Variants in STAT5A observed in about 807,000 individuals in gnomAD.
STAT5A encodes epididymis secretory sperm binding protein.
In STAT5A, 26 loss-of-function variants were observed where a neutral mutation model predicts 100.2. The ratio of observed to expected loss-of-function variants is 0.26; its 90% confidence interval spans 0.19 to 0.36. The LOEUF (loss-of-function observed/expected upper bound fraction) is 0.36. Ranked by LOEUF, STAT5A falls within the 10% of genes least tolerant of loss-of-function variation. STAT5A has a pLI of 1.00. For synonymous variants in STAT5A, 330 were observed against 424.3 expected (o/e 0.78, Z 2.73); for missense variants, 634 against 1,027.5 (o/e 0.62, Z 5.24).
At chr17:42,306,139 G>A in intron 12 of STAT5A, 102 bp from the exon 13 acceptor site, 1 of 1,578,446 alleles carries the variant, frequency 6.3e-7, no homozygotes, top group Non-Finnish European at 8.6e-7. Flanking sequence ...TTCTGGATCT[G>A]TCTCAGTCTC....
Position 42,304,420 on chromosome 17 carries a change from C to A in STAT5A, c.1248C>A (p.Phe416Leu), listed in dbSNP as rs747051071. 6 of 1,614,132 alleles carry A rather than the reference C, an allele frequency of 3.7e-6. No individual in the cohort carries two copies. Among genetic ancestry groups the A allele is most frequent in the Non-Finnish European group, 5.1e-6 (6 of 1,180,052 alleles). The change falls in exon 10 of 19, where the codon TTC becomes TTA. Residue 416 changes from phenylalanine (F) to leucine (L), a missense_variant. Physicochemically the swap from Phe to Leu is conservative, Grantham distance 22. Coordinates refer to ENST00000590949, the MANE Select transcript of STAT5A (RefSeq NM_001288718.2). The surrounding 1 kb of genome is among the most constrained non-coding windows in gnomAD (Gnocchi z 4.8). ...HQATGTLSAHFRNMSLKRIKR... is the reference protein window; with the variant it reads ...HQATGTLSAHLRNMSLKRIKR... ...CCACGGGCACCCTCAGTGCCCACTTCAGGAACATGGTGAGGACGGGGCCCA... is the reference window on the plus strand; with the variant it reads ...CCACGGGCACCCTCAGTGCCCACTTAAGGAACATGGTGAGGACGGGGCCCA...
chr17:42,294,404 C>A (rs16967637), intron 4 of STAT5A, among the ~76,000 whole-genome samples: 46,239 of 151,902 alleles, frequency 0.3, 7,378 homozygotes, highest in South Asian at 0.41. Context: ...TCCAACCATA[C>A]AACTGTTCCT....
At position 42,308,902 on chromosome 17, in the gene STAT5A, T is replaced by C; in HGVS notation, c.2063-145T>C. Reference sequence around the variant, plus strand: ...CTCAGGCAGGATTCATCAGCTGGTGTTTATTGGGGGTCCTTGGGAAATCTC... The same window carrying C: ...CTCAGGCAGGATTCATCAGCTGGTGCTTATTGGGGGTCCTTGGGAAATCTC... On this transcript the variant is annotated intron_variant, in intron 16 of 18. Transcript: ENST00000590949. The surrounding 1 kb of genome is among the most constrained non-coding windows in gnomAD (Gnocchi z 4.6). 2.0e-6 allele frequency: 2 copies of C among 990,502 alleles called. No homozygotes were observed. Among genetic ancestry groups the C allele is most frequent in the Non-Finnish European group, 1.6e-6 (1 of 641,686 alleles). 61.4% of individuals were successfully genotyped at this position (990,502 alleles called of 1,614,324 possible). A position where few individuals can be genotyped will look rare whatever the true frequency, so the allele number is the denominator to read the frequency against.
Position 42,292,155 on chromosome 17 carries a change from C to T in STAT5A, c.375+94C>T, listed in dbSNP as rs117309129. 7.9e-3 allele frequency: 11,459 copies of T among 1,444,280 alleles called. 75 individuals carry two copies. Among genetic ancestry groups the T allele is most frequent in the South Asian group, 0.019 (1,637 of 84,272 alleles). 89.5% of individuals were successfully genotyped at this position (1,444,280 alleles called of 1,614,324 possible). ...ACTGTGTTTATATAAAACAGCAGCACGAGGAGAGCACCAAGAAGATGAGGG... is the reference window on the plus strand; with the variant it reads ...ACTGTGTTTATATAAAACAGCAGCATGAGGAGAGCACCAAGAAGATGAGGG... On this transcript the variant is annotated intron_variant, in intron 4 of 18. Coordinates refer to ENST00000590949, the MANE Select transcript of STAT5A (RefSeq NM_001288718.2).
intron 13 of STAT5A, 36 bp from the exon 14 acceptor site, chr17:42,307,366 G>A (rs1346578045): frequency 6.2e-7 from 1 of 1,604,224 alleles, no homozygotes; most frequent in Non-Finnish European, 8.5e-7. Context: ...GTGACCTGGG[G>A]CACCAGCCCT....
At position 42,295,633 on chromosome 17, in the gene STAT5A, T is replaced by C. The variant is rs1471678597; in HGVS notation, c.390T>C (p.Ala130=). ...VREANNCSSP[A]GILVDAMSQK... Reference sequence around the variant, plus strand: ...TCTGTCTCCAGTGCAGCTCTCCGGCTGGGATCCTGGTTGACGCCATGTCCC... The same window carrying C: ...TCTGTCTCCAGTGCAGCTCTCCGGCCGGGATCCTGGTTGACGCCATGTCCC... The change falls in exon 5 of 19, where the codon GCT becomes GCC. Residue 130 remains alanine (A), a synonymous_variant. Transcript: ENST00000590949. The C allele has an allele frequency of 1.9e-6, 3 of 1,613,710 alleles. No individual in the cohort carries two copies. The South Asian group carries it at 3.3e-5, about 18-fold the overall frequency.
intron 2 of STAT5A, 36 bp downstream of exon 2, chr17:42,289,575 C>T (rs898749985): frequency 6.2e-7 from 1 of 1,603,850 alleles, no homozygotes; most frequent in Non-Finnish European, 8.5e-7. Flanking sequence ...CTCAGAGGGT[C>T]CCTACCATCC....
chr17:42,289,306 C>G, intron 1 of STAT5A, 96 bp from the exon 2 acceptor site: 1 of 1,379,332 alleles, frequency 7.2e-7, no homozygotes, highest in Non-Finnish European at 9.5e-7. Flanking sequence ...CTGGCCTGGC[C>G]GCGGTCCAGG....
At chr17:42,296,956 G>A (rs182091271) in intron 5 of STAT5A, among the ~76,000 whole-genome samples, 62 of 151,892 alleles carry the variant, frequency 4.1e-4, no homozygotes, top group Non-Finnish European at 1.0e-4. Flanking sequence ...TTGTTTGTTT[G>A]TTTATTTATT....
At chr17:42,307,855 G>C in intron 15 of STAT5A, 132 bp downstream of exon 15, 2 of 1,324,620 alleles carry the variant, frequency 1.5e-6, no homozygotes, top group Non-Finnish European at 2.0e-6. Context: ...AGAGGGCTGT[G>C]GCTTGGAAAT....
In STAT5A at chr17:42,304,201, G is replaced by T; in HGVS notation, c.1170-141G>T. On this transcript the variant is annotated intron_variant, in intron 9 of 18. Coordinates refer to ENST00000590949, the MANE Select transcript of STAT5A (RefSeq NM_001288718.2). This position sits in a 1 kb window ranked among gnomAD's most constrained non-coding sequence, Gnocchi z 4.8. ...GGAGAAGTCAGTAACCCAGAAAGAC[G>T]CCAAGAAACACTCTTAGGGGATACG... is the stretch of plus-strand genomic sequence containing the variant. 2.7e-6 allele frequency: 2 copies of T among 747,150 alleles called. No homozygotes were observed. Among genetic ancestry groups the T allele is most frequent in the South Asian group, 1.8e-5 (1 of 56,022 alleles). 46.3% of individuals were successfully genotyped at this position (747,150 alleles called of 1,614,324 possible).
chr17:42,289,272 A>G (rs1338697546), intron 1 of STAT5A, 130 bp from the exon 2 acceptor site: 1 of 1,040,618 alleles, frequency 9.6e-7, no homozygotes, highest in Non-Finnish European at 1.3e-6. Flanking sequence ...CGCACAGGAA[A>G]GCTATCTGTG....
At position 42,305,605 on chromosome 17, in the gene STAT5A, T is replaced by C. The variant is rs2081020690; in HGVS notation, c.1381-5T>C. 6.2e-7 allele frequency: 1 copy of C among 1,614,150 alleles called. No individual in the cohort carries two copies. The highest frequency in any genetic ancestry group is 8.5e-7 in the Non-Finnish European group (1 of 1,179,980). ...CATCAACTTGGGTTCCTTTGACTCC[T>C]GTAGACTCTGTCCCTACCTGTGGTT... On this transcript the variant is annotated splice_polypyrimidine_tract_variant and splice_region_variant and intron_variant, in intron 11 of 18. Coordinates refer to ENST00000590949, the MANE Select transcript of STAT5A (RefSeq NM_001288718.2).
In STAT5A at chr17:42,308,558, C is replaced by CATGG; in HGVS notation, c.2062+228_2062+231dup. The CATGG allele has an allele frequency of 1.6e-6, 1 of 613,542 alleles. No individual in the cohort carries two copies. The highest frequency in any genetic ancestry group is 2.9e-5 in the East Asian group (1 of 34,240). 38.0% of individuals were successfully genotyped at this position (613,542 alleles called of 1,614,324 possible). ...TCTCTTCTCTGCAAAGTGAAAGCTG[C>CATGG]ATGGATTCTCACTTCTGCACCCTCG... is the stretch of plus-strand genomic sequence containing the variant. On this transcript the variant is annotated intron_variant, in intron 16 of 18. Transcript: ENST00000590949. The surrounding 1 kb of genome is among the most constrained non-coding windows in gnomAD (Gnocchi z 4.6).
intron 9 of STAT5A, among the ~76,000 whole-genome samples, chr17:42,302,762 T>C (rs1195779208): frequency 4.3e-4 from 62 of 145,068 alleles, no homozygotes; most frequent in Middle Eastern, 4.2e-3. Flanking sequence ...GGTGAAACCC[T>C]GTCTCTACTA....
At chr17:42,306,141 C>G in intron 12 of STAT5A, 100 bp from the exon 13 acceptor site, 2 of 1,581,478 alleles carry the variant, frequency 1.3e-6, no homozygotes, top group Non-Finnish European at 1.7e-6. Context: ...CTGGATCTGT[C>G]TCAGTCTCCT....
At chr17:42,309,208 C>T in intron 17 of STAT5A, 110 bp downstream of exon 17, 10 of 1,592,728 alleles carry the variant, frequency 6.3e-6, no homozygotes, top group Middle Eastern at 2.3e-4. Context: ...GGGAACCTGT[C>T]TCAGCCCTGG....
At chr17:42,307,518 G>T (rs199698546) in intron 14 of STAT5A, 22 bp downstream of exon 14, 1 of 1,614,096 alleles carries the variant, frequency 6.2e-7, no homozygotes, top group Admixed American at 1.7e-5. Flanking sequence ...GGGCTGCAGG[G>T]TCAGGGGCCA....
chr17:42,304,574 C>T lies in STAT5A; in HGVS notation c.1302C>T (p.Ser434=), dbSNP rs150767426. The T allele has an allele frequency of 2.0e-4, 320 of 1,614,102 alleles. 1 individual carries two copies. Among genetic ancestry groups the T allele is most frequent in the Non-Finnish European group, 2.5e-4 (295 of 1,180,052 alleles). ...IKRADRRGAE[S]VTEEKFTVLF... ...GTGCTGACCGGCGGGGTGCAGAGTCCGTGACAGAGGAGAAGTTCACAGTCC... is the reference window on the plus strand; with the variant it reads ...GTGCTGACCGGCGGGGTGCAGAGTCTGTGACAGAGGAGAAGTTCACAGTCC... Residue 434 remains serine, a synonymous_variant, in exon 11 of 19, where the codon TCC becomes TCT. Coordinates refer to ENST00000590949, the MANE Select transcript of STAT5A (RefSeq NM_001288718.2). This position sits in a 1 kb window ranked among gnomAD's most constrained non-coding sequence, Gnocchi z 4.8.
Sources: allele counts gnomAD v4.1 joint callset (sites outside exome capture counted in the v4.1 genomes callset), GRCh38; gene constraint gnomAD v4.1.1; non-coding constraint Gnocchi (gnomAD v3.1); transcripts MANE v1.5; gene names NCBI Gene and HGNC (gene_info 2026-07-23, HGNC 2026-07-21).